The following CDC5L variants were observed in gnomAD, a reference collection of about 807,000 sequenced individuals.
CDC5L encodes cell division cycle 5-like protein.
CDC5L carries 18 observed loss-of-function variants against 104.1 expected under a neutral mutation model. That is an observed-to-expected ratio of 0.17 (90% CI 0.12 to 0.26). The LOEUF is 0.26. Ranked by LOEUF, CDC5L falls within the 10% of genes least tolerant of loss-of-function variation. The pLI is 1.00. For synonymous variants in CDC5L, 331 were observed against 322.7 expected (o/e 1.03, Z -0.28); for missense variants, 673 against 956.9 (o/e 0.70, Z 3.91).
rs1250602408 is a variant in CDC5L, at chr6:44,448,369, G to A, written c.*1658G>A. ...GAATCGATGAGAAGATCTAAGCAAA[G>A]GAATGACATGATCAGATTTGGTTTT... On this transcript the variant is annotated 3_prime_UTR_variant, in exon 16 of 16. Coordinates refer to ENST00000371477, the MANE Select transcript of CDC5L (RefSeq NM_001253.4). 1 of 152,126 alleles carries A rather than the reference G, an allele frequency of 6.6e-6. No individual in the cohort carries two copies. Among genetic ancestry groups the A allele is most frequent in the Non-Finnish European group, 1.5e-5 (1 of 68,022 alleles). The allele number at this position is 152,126 out of a possible 1,614,324, so 9.4% of individuals were successfully genotyped here.
intron 8 of CDC5L, among the ~76,000 whole-genome samples, chr6:44,415,494 G>A (rs1791867500): frequency 6.6e-6 from 1 of 152,312 alleles, no homozygotes; most frequent in African/African-American, 2.4e-5. Flanking sequence ...ACTGGGGCTT[G>A]TGTGGCACTC....
rs1312610883 is a variant in CDC5L, at chr6:44,435,395, C to T, written c.2091+5485C>T. Among the ~76,000 whole-genome samples, 6 of 151,918 alleles carry T rather than the reference C, an allele frequency of 3.9e-5. No individual in the cohort carries two copies. In the East Asian group the frequency reaches 7.8e-4, roughly 20 times the overall value. ...GTGTCAAAATTCTTATAAGTGGGTA[C>T]ATGTAGGTGAGAGTCTAAATCAGGG... On this transcript the variant is annotated intron_variant, in intron 14 of 15. Transcript: ENST00000371477.
At chr6:44,405,651 T>C (rs974011201) in intron 6 of CDC5L, among the ~76,000 whole-genome samples, 8 of 152,230 alleles carry the variant, frequency 5.3e-5, no homozygotes, top group Non-Finnish European at 1.0e-4. Context: ...CCTTTTTACA[T>C]ACTTGTCATA....
chr6:44,439,294 T>C (rs1041959262), intron 14 of CDC5L, among the ~76,000 whole-genome samples: 2 of 152,238 alleles, frequency 1.3e-5, no homozygotes, highest in Admixed American at 6.5e-5. Flanking sequence ...TTACCTATTA[T>C]GAATAATGTT....
intron 5 of CDC5L, among the ~76,000 whole-genome samples, chr6:44,403,102 C>A (rs1297375647): frequency 6.6e-6 from 1 of 152,102 alleles, no homozygotes; most frequent in African/African-American, 2.4e-5. Flanking sequence ...AAGAGATGCA[C>A]CAATATACTT....
intron 5 of CDC5L, among the ~76,000 whole-genome samples, chr6:44,400,122 T>C (rs1343403635): frequency 6.6e-6 from 1 of 152,244 alleles, no homozygotes; most frequent in Non-Finnish European, 1.5e-5. Flanking sequence ...GTTGTTATCA[T>C]ACCTTCCTTT....
chr6:44,443,927 G>A (rs192540378), intron 14 of CDC5L, among the ~76,000 whole-genome samples: 5 of 151,258 alleles, frequency 3.3e-5, no homozygotes, highest in East Asian at 3.9e-4. Context: ...TGTGCATTAC[G>A]TGAGACAACT....
rs780860959 is a variant in CDC5L at position 44,419,545 on chromosome 6, C to T, written c.1189C>T (p.Pro397Ser). The T allele has an allele frequency of 2.2e-5, 35 of 1,613,414 alleles. No homozygotes were observed. The highest frequency in any genetic ancestry group is 2.7e-5 in the African/African-American group (2 of 74,910). Reference sequence around the variant, plus strand: ...TGAGAGTGACTTCTCAGGTGTAACTCCACAGCGACAAGTTGTACAGACTCC... The same window carrying T: ...TGAGAGTGACTTCTCAGGTGTAACTTCACAGCGACAAGTTGTACAGACTCC... The part of the protein sequence containing the change: ...LHESDFSGVT[P>S]QRQVVQTPNT... The change falls in exon 9 of 16, where the codon CCA (proline) becomes TCA (serine). Residue 397 changes from proline (P) to serine (S), a missense_variant. Transcript: ENST00000371477.
chr6:44,441,445 C>T (rs1167342546), intron 14 of CDC5L, among the ~76,000 whole-genome samples: 1 of 152,190 alleles, frequency 6.6e-6, no homozygotes, highest in African/African-American at 2.4e-5. Flanking sequence ...CTTTGACATA[C>T]TGATTTCAAT....
rs749816182 is a variant in CDC5L at position 44,438,665 on chromosome 6, C to CTTT, written c.2092-6970_2092-6968dup. ...AAAATTTATGTGGTGGAAGTTTTGT[C>CTTT]TTTTTTTTTTTTTTTTTTTTTTAAA... On this transcript the variant is annotated intron_variant, in intron 14 of 15. Coordinates refer to ENST00000371477, the MANE Select transcript of CDC5L (RefSeq NM_001253.4). Among the ~76,000 whole-genome samples, 355 of 106,240 alleles carry CTTT rather than the reference C, an allele frequency of 3.3e-3. 1 individual carries two copies. The highest frequency in any genetic ancestry group is 0.011 in the African/African-American group (318 of 29,850). The allele number at this position is 106,240 out of a possible 152,430, so 69.7% of individuals were successfully genotyped here. A position where few individuals can be genotyped will look rare whatever the true frequency, so the allele number is the denominator to read the frequency against.
intron 1 of CDC5L, 88 bp downstream of exon 1, chr6:44,387,956 A>T (rs1295115527): frequency 2.1e-5 from 28 of 1,313,370 alleles, no homozygotes; most frequent in Non-Finnish European, 2.7e-5. Context: ...GGCGACGAGG[A>T]GACCCTGTGG....
At chr6:44,401,811 C>G (rs569203405) in intron 5 of CDC5L, among the ~76,000 whole-genome samples, 121 of 151,076 alleles carry the variant, frequency 8.0e-4, no homozygotes, top group African/African-American at 2.3e-3. Flanking sequence ...CCTCTCCCCC[C>G]ACCCCACAAC....
chr6:44,402,892 T>C (rs1207877553), intron 5 of CDC5L, among the ~76,000 whole-genome samples: 4 of 152,220 alleles, frequency 2.6e-5, no homozygotes, highest in African/African-American at 9.6e-5. Context: ...TATAAATTCA[T>C]TTAATTTCTT....
At chr6:44,427,252 TCTTTTC>T (rs1213292517) in intron 13 of CDC5L, among the ~76,000 whole-genome samples, 1 of 152,234 alleles carries the variant, frequency 6.6e-6, no homozygotes, top group African/African-American at 2.4e-5. Flanking sequence ...CTGTATCTGG[TCTTTTC>T]TTCTACATGC....
intron 8 of CDC5L, among the ~76,000 whole-genome samples, chr6:44,408,889 C>G (rs1345622936): frequency 6.6e-6 from 1 of 152,070 alleles, no homozygotes; most frequent in East Asian, 1.9e-4. Context: ...GTCTTTTGTA[C>G]CTGTCAGTAA....
intron 14 of CDC5L, among the ~76,000 whole-genome samples, chr6:44,439,938 G>C (rs554895644): frequency 6.6e-6 from 1 of 152,274 alleles, no homozygotes; most frequent in South Asian, 2.1e-4. Context: ...TTACCCCGCT[G>C]TACTGTACTG....
At chr6:44,445,467 T>TA (rs1233736937) in intron 14 of CDC5L, among the ~76,000 whole-genome samples, 188 bp from the exon 15 acceptor site, 1 of 152,250 alleles carries the variant, frequency 6.6e-6, no homozygotes, top group Admixed American at 6.5e-5. Context: ...GACTCACCTA[T>TA]AAAACCCTTT....
At chr6:44,418,845 GT>G (rs11375216) in intron 8 of CDC5L, among the ~76,000 whole-genome samples, 14 of 136,400 alleles carry the variant, frequency 1.0e-4, no homozygotes, top group Admixed American at 3.6e-4. Context: ...GTGGTTGTTT[GT>G]TTTTTTTTTT....
chr6:44,407,152 G>C (rs1581647831), intron 7 of CDC5L, among the ~76,000 whole-genome samples: 1 of 152,120 alleles, frequency 6.6e-6, no homozygotes, highest in Non-Finnish European at 1.5e-5. Context: ...ACTTTAAGCT[G>C]CCTTCTCCCA....
Sources: allele counts gnomAD v4.1 joint callset (sites outside exome capture counted in the v4.1 genomes callset), GRCh38; gene constraint gnomAD v4.1.1; transcripts MANE v1.5; gene names NCBI Gene and HGNC (gene_info 2026-07-23, HGNC 2026-07-21).